Variants in REC114 observed in about 807,000 individuals in gnomAD.
The protein encoded by REC114 is REC114 meiotic recombination protein.
In REC114, 27 loss-of-function variants were observed where a neutral mutation model predicts 31.3. The observed-to-expected ratio is 0.86, with a 90% CI of 0.64 to 1.19. The LOEUF is 1.19. Among genes scored for constraint, REC114 ranks in the 50% most tolerant of loss-of-function variants. REC114 has a pLI of 0.00. For synonymous variants in REC114, 134 were observed against 127.7 expected (o/e 1.05, Z -0.33); for missense variants, 344 against 326.9 (o/e 1.05, Z -0.40).
At position 73,449,000 on chromosome 15, in the gene REC114, A is replaced by G. The variant is rs369075819; in HGVS notation, c.159+5656A>G. ...GAGACCCCACCCAAAGGTCACCAAC[A>G]TCAAAGACCGAAGATAGATAAATCC... On this transcript the variant is annotated intron_variant, in intron 1 of 5. Coordinates refer to ENST00000331090, the MANE Select transcript of REC114 (RefSeq NM_001042367.2). Among the ~76,000 whole-genome samples, 4 of 152,212 alleles carry G rather than the reference A, an allele frequency of 2.6e-5. No individual in the cohort carries two copies. In the South Asian group the frequency reaches 6.2e-4, roughly 24 times the overall value.
intron 2 of REC114, among the ~76,000 whole-genome samples, chr15:73,484,150 T>C (rs977135668): frequency 6.6e-6 from 1 of 152,056 alleles, no homozygotes; most frequent in Non-Finnish European, 1.5e-5. Context: ...CTAGTGAATG[T>C]AGCTTTTAAA....
chr15:73,490,902 G>C (rs1327485441), intron 2 of REC114, among the ~76,000 whole-genome samples: 1 of 151,992 alleles, frequency 6.6e-6, no homozygotes, highest in Non-Finnish European at 1.5e-5. Context: ...GATTAGTTTT[G>C]CTTTTGCTGG....
chr15:73,552,825 T>C (rs1004549884), intron 4 of REC114, among the ~76,000 whole-genome samples: 9 of 152,204 alleles, frequency 5.9e-5, no homozygotes, highest in African/African-American at 2.2e-4. Flanking sequence ...TATGTTTCTT[T>C]TTTTTGAGAC....
intron 3 of REC114, among the ~76,000 whole-genome samples, chr15:73,540,890 G>A (rs1894229561): frequency 6.6e-6 from 1 of 151,954 alleles, no homozygotes; most frequent in South Asian, 2.1e-4. Context: ...TTAAAAAGGT[G>A]TATACCTTCA....
intron 2 of REC114, among the ~76,000 whole-genome samples, chr15:73,518,699 C>A (rs529678011): frequency 1.3e-3 from 203 of 152,238 alleles, no homozygotes; most frequent in Non-Finnish European, 2.1e-3. Flanking sequence ...CCGAAGAATG[C>A]ATGCTGGGGA....
chr15:73,465,071 T>C (rs1159946346), intron 1 of REC114, among the ~76,000 whole-genome samples: 2 of 152,138 alleles, frequency 1.3e-5, no homozygotes, highest in Non-Finnish European at 2.9e-5. Context: ...TTTGTATTTT[T>C]AGTAGAGACA....
chr15:73,524,608 T>C (rs1191290569), intron 2 of REC114, among the ~76,000 whole-genome samples: 1 of 152,156 alleles, frequency 6.6e-6, no homozygotes, highest in Non-Finnish European at 1.5e-5. Flanking sequence ...TATTTTTCTT[T>C]TTTTTTGGAG....
chr15:73,554,503 A>G (rs899354372), intron 4 of REC114, among the ~76,000 whole-genome samples: 1 of 152,200 alleles, frequency 6.6e-6, no homozygotes, highest in Non-Finnish European at 1.5e-5. Flanking sequence ...TTACTGGCTC[A>G]TATTTTAGTT....
chr15:73,482,737 T>A (rs1045517895), intron 2 of REC114, among the ~76,000 whole-genome samples: 2 of 152,230 alleles, frequency 1.3e-5, no homozygotes, highest in Non-Finnish European at 2.9e-5. Flanking sequence ...CTGATTTATC[T>A]ACCAATGGAT....
intron 2 of REC114, among the ~76,000 whole-genome samples, chr15:73,498,172 C>T (rs541049819): frequency 3.3e-5 from 5 of 150,002 alleles, no homozygotes; most frequent in East Asian, 3.9e-4. Flanking sequence ...TTTTTTTTTC[C>T]GAGTTTGCTT....
chr15:73,495,336 G>A (rs1043999771), intron 2 of REC114, among the ~76,000 whole-genome samples: 12 of 150,454 alleles, frequency 8.0e-5, no homozygotes, highest in African/African-American at 2.9e-4. Flanking sequence ...TTGTAGTTTC[G>A]AAAAAAAAGT....
rs147833982 is a variant in REC114, at chr15:73,443,808, A to G, written c.159+464A>G. ...ACTAAATTTGAATCCTCGCGTTGCC[A>G]GTGAATTTCTGGGACCTTGCTTTAG... On this transcript the variant is annotated intron_variant, in intron 1 of 5. Transcript: ENST00000331090. Among the ~76,000 whole-genome samples, 1,044 of 152,308 alleles carry G rather than the reference A, an allele frequency of 6.9e-3. 11 individuals are homozygous for G. Among genetic ancestry groups the G allele is most frequent in the African/African-American group, 0.023 (971 of 41,554 alleles).
At chr15:73,474,765 A>G (rs1470904302) in intron 2 of REC114, among the ~76,000 whole-genome samples, 1 of 152,226 alleles carries the variant, frequency 6.6e-6, no homozygotes, top group Admixed American at 6.5e-5. Context: ...CAATAAGCAA[A>G]TAGGTCAAGT....
intron 2 of REC114, among the ~76,000 whole-genome samples, chr15:73,488,217 G>A (rs1893399678): frequency 6.6e-6 from 1 of 152,178 alleles, no homozygotes; most frequent in Admixed American, 6.5e-5. Flanking sequence ...GGGTGTGGTA[G>A]CCTCAAAGTT....
chr15:73,548,762 T>A (rs1894347002), intron 3 of REC114, among the ~76,000 whole-genome samples: 1 of 152,160 alleles, frequency 6.6e-6, no homozygotes. Context: ...CTATTCACAA[T>A]AGCAAAGACA....
rs1175403922 is a variant in REC114, at chr15:73,524,242, A to C, written c.250-16243A>C. On this transcript the variant is annotated intron_variant, in intron 2 of 5. Transcript: ENST00000331090. ...ACATTTATGGTGAAGCTTGGATGGAAGAAGAGTGAAATCAATGATGCTTTA... is the reference window on the plus strand; with the variant it reads ...ACATTTATGGTGAAGCTTGGATGGACGAAGAGTGAAATCAATGATGCTTTA... Among the ~76,000 whole-genome samples the C allele has an allele frequency of 2.0e-5, 3 of 152,324 alleles. 1 individual carries two copies. Among genetic ancestry groups the C allele is most frequent in the South Asian group, 4.1e-4 (2 of 4,824 alleles).
chr15:73,534,727 A>G (rs1464062295), intron 2 of REC114, among the ~76,000 whole-genome samples: 1 of 150,602 alleles, frequency 6.6e-6, no homozygotes, highest in Non-Finnish European at 1.5e-5. Context: ...GACACAACAA[A>G]AAAGAGAATT....
At chr15:73,529,627 T>C (rs1894050243) in intron 2 of REC114, among the ~76,000 whole-genome samples, 1 of 152,208 alleles carries the variant, frequency 6.6e-6, no homozygotes, top group Non-Finnish European at 1.5e-5. Flanking sequence ...CTATTTTCTC[T>C]AGCTTTGAAT....
chr15:73,556,035 G>C (rs910488204), intron 4 of REC114, among the ~76,000 whole-genome samples: 1 of 152,158 alleles, frequency 6.6e-6, no homozygotes, highest in African/African-American at 2.4e-5. Context: ...CCCAGTGTCT[G>C]ACAGGAAGAA....
Sources: allele counts gnomAD v4.1 joint callset (sites outside exome capture counted in the v4.1 genomes callset), GRCh38; gene constraint gnomAD v4.1.1; transcripts MANE v1.5; gene names NCBI Gene and HGNC (gene_info 2026-07-23, HGNC 2026-07-21).